Variants in YTHDC1 observed in about 807,000 individuals in gnomAD.
YTHDC1 encodes the protein YTH domain-containing protein 1.
YTHDC1 carries 12 observed loss-of-function variants against 107.0 expected under a neutral mutation model. That is an observed-to-expected ratio of 0.11 (90% CI 0.07 to 0.18). YTHDC1 has a LOEUF of 0.18. Among genes scored for constraint, YTHDC1 ranks in the 10% least tolerant of loss-of-function variants. The pLI is 1.00. For synonymous variants in YTHDC1, 280 were observed against 289.5 expected, an observed-to-expected ratio of 0.97 and a Z score of 0.33; for missense variants, 635 against 898.8, an observed-to-expected ratio of 0.71 and a Z score of 3.75.
Position 68,349,830 on chromosome 4 carries a change from A to G in YTHDC1, c.-77T>C, listed in dbSNP as rs1578090518. On this transcript the variant is annotated 5_prime_UTR_variant, in exon 1 of 17. Coordinates refer to ENST00000344157, the MANE Select transcript of YTHDC1 (RefSeq NM_001031732.4). ...CTCGCGCGGGCGCCGCAGCCGCGGC[A>G]GAAGCACGGGCCCGTCCGTCAGTCC... 1.2e-6 allele frequency: 2 copies of G among 1,602,114 alleles called. No individual in the cohort carries two copies. The highest frequency in any genetic ancestry group is 4.5e-5 in the East Asian group (2 of 44,686).
chr4:68,323,730 T>C (rs1175868549), intron 10 of YTHDC1, among the ~76,000 whole-genome samples: 1 of 152,264 alleles, frequency 6.6e-6, no homozygotes, highest in Non-Finnish European at 1.5e-5. Context: ...GTTCCATTTG[T>C]AGACTTGAAA....
intron 1 of YTHDC1, among the ~76,000 whole-genome samples, chr4:68,343,722 G>C (rs765372437): frequency 6.6e-6 from 1 of 151,632 alleles, no homozygotes; most frequent in South Asian, 2.1e-4. Context: ...ATTTTTAGTA[G>C]AGAAGTGGTT....
At chr4:68,344,056 C>G (rs1725143820) in intron 1 of YTHDC1, 1 of 152,020 alleles carries the variant, frequency 6.6e-6, no homozygotes, top group African/African-American at 2.4e-5. Context: ...CACCTGAAAA[C>G]AACCAGCTGG....
Position 68,350,011 on chromosome 4 carries a change from G to C in YTHDC1, c.-258C>G. ...TCAGACTCGGGCTAGGTATGGGGGA[G>C]GGAAGGGAAACAGATGGCGACGGCG... On this transcript the variant is annotated 5_prime_UTR_variant, in exon 1 of 17. Transcript: ENST00000344157. 2 of 574,738 alleles carry C rather than the reference G, an allele frequency of 3.5e-6. No homozygotes were observed. The highest frequency in any genetic ancestry group is 3.1e-6 in the Non-Finnish European group (1 of 325,394). The allele number at this position is 574,738 out of a possible 1,614,324, so 35.6% of individuals were successfully genotyped here. A position where few individuals can be genotyped will look rare whatever the true frequency, so the allele number is the denominator to read the frequency against.
chr4:68,335,988 C>A (rs534916744), intron 4 of YTHDC1, among the ~76,000 whole-genome samples: 26 of 147,020 alleles, frequency 1.8e-4, no homozygotes, highest in African/African-American at 6.4e-4. Flanking sequence ...TATATACTAT[C>A]CATATAGTAT....
At chr4:68,330,464 G>A (rs537264110) in intron 7 of YTHDC1, among the ~76,000 whole-genome samples, 154 bp from the exon 8 acceptor site, 37 of 152,078 alleles carry the variant, frequency 2.4e-4, no homozygotes, top group African/African-American at 7.2e-4. Context: ...TCAGAATAAC[G>A]TAGTAATAAT....
chr4:68,313,757 C>A lies in YTHDC1; in HGVS notation c.*342G>T. On this transcript the variant is annotated 3_prime_UTR_variant, in exon 17 of 17. Coordinates refer to ENST00000344157, the MANE Select transcript of YTHDC1 (RefSeq NM_001031732.4). The stretch of plus-strand genomic sequence containing the variant: ...GCAAAATATCATGGCAGTTATCAAT[C>A]AAGATCCAAAAAGGAAAAAAACAAA... The A allele has an allele frequency of 4.0e-6, 1 of 250,836 alleles. No individual in the cohort carries two copies. Among genetic ancestry groups the A allele is most frequent in the East Asian group, 8.8e-5 (1 of 11,354 alleles). 15.5% of individuals were successfully genotyped at this position (250,836 alleles called of 1,614,324 possible). A position where few individuals can be genotyped will look rare whatever the true frequency, so the allele number is the denominator to read the frequency against.
intron 1 of YTHDC1, among the ~76,000 whole-genome samples, chr4:68,343,798 CAA>C (rs1047635738): frequency 6.6e-5 from 10 of 151,968 alleles, no homozygotes; most frequent in African/African-American, 2.4e-4. Flanking sequence ...AATTTTGTTC[CAA>C]AATTAAGATG....
At chr4:68,324,558 A>G (rs1722778633) in intron 9 of YTHDC1, among the ~76,000 whole-genome samples, 1 of 152,244 alleles carries the variant, frequency 6.6e-6, no homozygotes, top group Non-Finnish European at 1.5e-5. Flanking sequence ...TTTGCAAATG[A>G]AATGACACAG....
chr4:68,324,086 C>T (rs1722722307), intron 10 of YTHDC1, 53 bp downstream of exon 10: 1 of 1,507,504 alleles, frequency 6.6e-7, no homozygotes. Context: ...ATAAAGATCT[C>T]TAAAAGGGTT....
In YTHDC1 at chr4:68,322,396, T is replaced by C. The variant is rs934803638; in HGVS notation, c.1601+353A>G. 5.0e-6 allele frequency: 1 copy of C among 201,966 alleles called. No homozygotes were observed. The highest frequency in any genetic ancestry group is 2.3e-5 in the African/African-American group (1 of 43,710). The allele number at this position is 201,966 out of a possible 1,614,324, so 12.5% of individuals were successfully genotyped here. ...GCTTTTTAAAAAGTATTAACAATTT[T>C]TGCAAATAAAGACTTCCTCCTCTTC... On this transcript the variant is annotated intron_variant, in intron 11 of 16. Transcript: ENST00000344157. This position sits in a 1 kb window ranked among gnomAD's most constrained non-coding sequence, Gnocchi z 4.8.
At position 68,319,447 on chromosome 4, in the gene YTHDC1, T is replaced by G. The variant is rs1156647075; in HGVS notation, c.1685-585A>C. ...AAAAACATTTGAGTAGTCATGTTAC[T>G]GGGGAAAAACTATTTTCACTTTCTA... On this transcript the variant is annotated intron_variant, in intron 12 of 16. Transcript: ENST00000344157. Among the ~76,000 whole-genome samples, 4 of 152,310 alleles carry G rather than the reference T, an allele frequency of 2.6e-5. No homozygotes were observed. The East Asian group carries it at 7.7e-4, about 29-fold the overall frequency.
chr4:68,349,803 G>T lies in YTHDC1; in HGVS notation c.-50C>A, dbSNP rs1451212510. On this transcript the variant is annotated 5_prime_UTR_variant, in exon 1 of 17. Coordinates refer to ENST00000344157, the MANE Select transcript of YTHDC1 (RefSeq NM_001031732.4). The stretch of plus-strand genomic sequence containing the variant: ...GCCACCGCCGCCGCCGCTTAGACGC[G>T]ACTCGCGCGGGCGCCGCAGCCGCGG... 1.9e-6 allele frequency: 3 copies of T among 1,610,566 alleles called. No individual in the cohort carries two copies. The highest frequency in any genetic ancestry group is 2.7e-5 in the African/African-American group (2 of 74,814).
intron 1 of YTHDC1, among the ~76,000 whole-genome samples, chr4:68,339,607 C>CACACACAG (rs3035585): frequency 0.82 from 124,017 of 151,200 alleles, 51,193 homozygotes; most frequent in East Asian, 0.97. Context: ...CATGCACGTA[C>CACACACAG]ACACACAGAC....
intron 15 of YTHDC1, among the ~76,000 whole-genome samples, chr4:68,316,873 C>T (rs572893756): frequency 2.6e-5 from 4 of 152,302 alleles, no homozygotes; most frequent in South Asian, 4.1e-4. Context: ...AGCAGGCATA[C>T]GGCATCAGGC....
intron 9 of YTHDC1, among the ~76,000 whole-genome samples, chr4:68,328,541 C>T (rs984460894): frequency 6.6e-6 from 1 of 152,138 alleles, no homozygotes; most frequent in East Asian, 1.9e-4. Context: ...TTTGTTATAC[C>T]TTTCCATGTT....
chr4:68,338,189 A>G (rs914009785), intron 2 of YTHDC1, 94 bp downstream of exon 2: 2 of 1,347,554 alleles, frequency 1.5e-6, no homozygotes, highest in Non-Finnish European at 2.0e-6. Flanking sequence ...GCCTCAAGGA[A>G]CAAGCACAAA....
At chr4:68,316,138 A>G (rs1578014556) in intron 16 of YTHDC1, 176 bp downstream of exon 16, 2 of 691,194 alleles carry the variant, frequency 2.9e-6, no homozygotes, top group East Asian at 5.8e-5. Flanking sequence ...TTCTATCTAT[A>G]TAATCCAAAG....
chr4:68,316,060 C>T (rs1721821415), intron 16 of YTHDC1: 1 of 316,128 alleles, frequency 3.2e-6, no homozygotes, highest in East Asian at 5.5e-5. Flanking sequence ...TAGGTACTAC[C>T]TAAAAGGAGT....
Sources: gnomAD v4.1 joint callset for allele counts (sites outside exome capture counted in the v4.1 genomes callset) on GRCh38, gnomAD v4.1.1 for gene constraint, Gnocchi (gnomAD v3.1) non-coding constraint, MANE v1.5 for transcripts, NCBI Gene and HGNC (gene_info 2026-07-23, HGNC 2026-07-21) for gene names.